KDM2A: variants seen among roughly 807,000 people sequenced by gnomAD.
KDM2A encodes the protein lysine demethylase 2A.
KDM2A carries 3 observed loss-of-function variants against 137.3 expected under a neutral mutation model. The observed-to-expected ratio is 0.02, with a 90% CI of 0.01 to 0.06. The LOEUF is 0.06. Among genes scored for constraint, KDM2A ranks in the 10% least tolerant of loss-of-function variants. KDM2A has a pLI of 1.00. For missense variants in KDM2A, 738 were observed against 1,510.6 expected, an observed-to-expected ratio of 0.49 and a Z score of 8.48; for synonymous variants, 512 against 541.5, an observed-to-expected ratio of 0.95 and a Z score of 0.76.
chr11:67,183,096 A>G (rs998282102), intron 5 of KDM2A, among the ~76,000 whole-genome samples: 2 of 152,192 alleles, frequency 1.3e-5, no homozygotes, highest in African/African-American at 4.8e-5. Flanking sequence ...TCTCTGTTTT[A>G]TTCATCCCCT....
intron 9 of KDM2A, among the ~76,000 whole-genome samples, chr11:67,218,901 G>T (rs917495374): frequency 2.0e-5 from 3 of 152,200 alleles, no homozygotes; most frequent in Non-Finnish European, 2.9e-5. Flanking sequence ...GAGCCCCCGC[G>T]CCAGGTCATG....
intron 17 of KDM2A, among the ~76,000 whole-genome samples, chr11:67,251,063 G>A (rs1859409598): frequency 1.3e-5 from 2 of 152,088 alleles, no homozygotes; most frequent in African/African-American, 2.4e-5. Context: ...ACTGATTTGC[G>A]GGATAGATTT....
intron 11 of KDM2A, among the ~76,000 whole-genome samples, 166 bp from the exon 12 acceptor site, chr11:67,231,400 G>A (rs572452683): frequency 1.3e-5 from 2 of 152,232 alleles, no homozygotes; most frequent in East Asian, 3.9e-4. Flanking sequence ...TGTTAACTGT[G>A]ATTTTGAACA....
At position 67,180,196 on chromosome 11, in the gene KDM2A, G is replaced by A. The variant is rs747315705; in HGVS notation, c.160G>A (p.Val54Ile). The A allele has an allele frequency of 1.2e-6, 2 of 1,613,412 alleles. No homozygotes were observed. Among genetic ancestry groups the A allele is most frequent in the African/African-American group, 1.3e-5 (1 of 74,902 alleles). The change falls in exon 3 of 21, where the codon GTT (valine) becomes ATT (isoleucine). Residue 54 changes from valine to isoleucine, a missense_variant. Val to Ile is a conservative substitution (Grantham distance 29, BLOSUM62 3). Around this residue, in one of 9 missense-constraint regions of KDM2A, gnomAD observed 74 missense variants for 181.8 expected, o/e 0.41. Transcript: ENST00000529006. Reference protein sequence around the residue: ...LHTNKYNANFVTFMEGKDFNV... With the variant: ...LHTNKYNANFITFMEGKDFNV... Reference sequence around the variant, plus strand: ...CACCAACAAATATAATGCCAATTTTGTTACTTTTATGGAAGGAAAAGGTCA... The same window carrying A: ...CACCAACAAATATAATGCCAATTTTATTACTTTTATGGAAGGAAAAGGTCA...
At chr11:67,154,984 G>T (rs951638554) in intron 2 of KDM2A, among the ~76,000 whole-genome samples, 1 of 152,126 alleles carries the variant, frequency 6.6e-6, no homozygotes, top group Non-Finnish European at 1.5e-5. Flanking sequence ...CAGCATTTGT[G>T]TGTAAATATT....
At chr11:67,230,412 A>G (rs1333164640) in intron 11 of KDM2A, among the ~76,000 whole-genome samples, 2 of 152,162 alleles carry the variant, frequency 1.3e-5, no homozygotes, top group Non-Finnish European at 2.9e-5. Context: ...AGGCACACCT[A>G]AGTCCAAGAG....
chr11:67,145,721 A>G (rs574976542), intron 2 of KDM2A, among the ~76,000 whole-genome samples: 1 of 152,102 alleles, frequency 6.6e-6, no homozygotes, highest in South Asian at 2.1e-4. Flanking sequence ...TGAAAATGAT[A>G]CCATACTCGG....
chr11:67,236,038 G>A (rs776326333), intron 12 of KDM2A, among the ~76,000 whole-genome samples: 27 of 152,324 alleles, frequency 1.8e-4, no homozygotes, highest in Admixed American at 4.6e-4. Context: ...AAGTGTATGC[G>A]TATTTGTGCA....
intron 12 of KDM2A, among the ~76,000 whole-genome samples, chr11:67,239,082 G>A (rs1340604205): frequency 6.6e-6 from 1 of 152,208 alleles, no homozygotes; most frequent in Non-Finnish European, 1.5e-5. Context: ...CAGGATGCAG[G>A]ACTGGCTGCT....
chr11:67,175,432 C>T (rs1856955444), intron 2 of KDM2A, among the ~76,000 whole-genome samples: 2 of 152,008 alleles, frequency 1.3e-5, no homozygotes, highest in Admixed American at 6.5e-5. Flanking sequence ...ACTCTGTCTC[C>T]GAAAAAAACC....
chr11:67,157,930 A>G (rs148257722), intron 2 of KDM2A, among the ~76,000 whole-genome samples: 16 of 152,242 alleles, frequency 1.1e-4, no homozygotes, highest in South Asian at 4.2e-4. Flanking sequence ...TCGCAAAAGA[A>G]AGAGAGAGAT....
chr11:67,140,182 A>G (rs1386799217), intron 2 of KDM2A, among the ~76,000 whole-genome samples: 1 of 152,068 alleles, frequency 6.6e-6, no homozygotes, highest in Non-Finnish European at 1.5e-5. Flanking sequence ...CCTGGGCAAC[A>G]TGGCGAAATC....
In KDM2A at chr11:67,245,755, G is replaced by A. The variant is rs1859185513; in HGVS notation, c.1834-230G>A. ...GATTAGAAAGGACCGGGGAGGCCAAGTATAGGCCAACTGAAAATAAACTAG... is the reference window on the plus strand; with the variant it reads ...GATTAGAAAGGACCGGGGAGGCCAAATATAGGCCAACTGAAAATAAACTAG... On this transcript the variant is annotated intron_variant, in intron 14 of 20. Coordinates refer to ENST00000529006, the MANE Select transcript of KDM2A (RefSeq NM_012308.3). This position sits in a 1 kb window ranked among gnomAD's most constrained non-coding sequence, Gnocchi z 4.1. The A allele has an allele frequency of 1.6e-6, 1 of 607,236 alleles. No homozygotes were observed. Among genetic ancestry groups the A allele is most frequent in the Non-Finnish European group, 2.8e-6 (1 of 351,362 alleles). 37.6% of individuals were successfully genotyped at this position (607,236 alleles called of 1,614,324 possible).
Position 67,245,900 on chromosome 11 carries a change from A to G in KDM2A, c.1834-85A>G, listed in dbSNP as rs1859189529. On this transcript the variant is annotated intron_variant, in intron 14 of 20. Transcript: ENST00000529006. The surrounding 1 kb of genome is among the most constrained non-coding windows in gnomAD (Gnocchi z 4.1). ...TGTTTAGTAGAGAATTATAGGACCCAAATCTCCCATCTTCAGTTTAAGGGA... is the reference window on the plus strand; with the variant it reads ...TGTTTAGTAGAGAATTATAGGACCCGAATCTCCCATCTTCAGTTTAAGGGA... 1 of 1,515,670 alleles carries G rather than the reference A, an allele frequency of 6.6e-7. No homozygotes were observed. Among genetic ancestry groups the G allele is most frequent in the Non-Finnish European group, 9.0e-7 (1 of 1,106,662 alleles). The allele number at this position is 1,515,670 out of a possible 1,614,324, so 93.9% of individuals were successfully genotyped here.
intron 2 of KDM2A, among the ~76,000 whole-genome samples, chr11:67,157,282 C>T (rs533033455): frequency 2.9e-5 from 4 of 139,804 alleles, no homozygotes; most frequent in African/African-American, 1.1e-4. Context: ...CACTGCACTC[C>T]ATCCAGCCTG....
In KDM2A at chr11:67,245,124, ATCT is replaced by A; in HGVS notation, c.1564-61_1564-59del. The A allele has an allele frequency of 3.2e-6, 5 of 1,559,920 alleles. No individual in the cohort carries two copies. The highest frequency in any genetic ancestry group is 2.7e-5 in the African/African-American group (2 of 74,092). ...CCCAGGCTAGGTATGCTACCATGTAATCTTCTACCCTATCCAGTCTTAAAGCAA... is the reference window on the plus strand; with the variant it reads ...CCCAGGCTAGGTATGCTACCATGTAATCTACCCTATCCAGTCTTAAAGCAA... On this transcript the variant is annotated intron_variant, in intron 13 of 20. Coordinates refer to ENST00000529006, the MANE Select transcript of KDM2A (RefSeq NM_012308.3). The surrounding 1 kb of genome is among the most constrained non-coding windows in gnomAD (Gnocchi z 4.1).
chr11:67,209,076 C>A (rs1407608684), intron 6 of KDM2A, among the ~76,000 whole-genome samples: 3 of 151,784 alleles, frequency 2.0e-5, no homozygotes, highest in Non-Finnish European at 4.4e-5. Context: ...GCTGAGACTA[C>A]AGGCCACCAT....
At chr11:67,132,941 A>G (rs966195846) in intron 2 of KDM2A, among the ~76,000 whole-genome samples, 2 of 152,196 alleles carry the variant, frequency 1.3e-5, no homozygotes, top group African/African-American at 4.8e-5. Context: ...AGAAATGGAA[A>G]GGAAGAGATA....
rs1590757200 is a variant in KDM2A at position 67,184,063 on chromosome 11, A to G, written c.307+2171A>G. ...CAGTGATATGTGATCACACCACTGC[A>G]CTCCAGCCTGGGCAACAGAGTGAGA... On this transcript the variant is annotated intron_variant, in intron 5 of 20. Coordinates refer to ENST00000529006, the MANE Select transcript of KDM2A (RefSeq NM_012308.3). Among the ~76,000 whole-genome samples the G allele has an allele frequency of 4.2e-5, 6 of 143,006 alleles. No homozygotes were observed. In the Admixed American group the frequency reaches 4.4e-4, roughly 10 times the overall value. 93.8% of individuals were successfully genotyped at this position (143,006 alleles called of 152,430 possible).
Sources: allele counts gnomAD v4.1 joint callset (sites outside exome capture counted in the v4.1 genomes callset), GRCh38; gene constraint gnomAD v4.1.1; regional missense constraint gnomAD v4.1.1; non-coding constraint Gnocchi (gnomAD v3.1); transcripts MANE v1.5; gene names NCBI Gene and HGNC (gene_info 2026-07-23, HGNC 2026-07-21).